SURF2: variants seen among roughly 807,000 people sequenced by gnomAD.
SURF2 encodes the protein surfeit 2.
In SURF2, 32 loss-of-function variants were observed where a neutral mutation model predicts 26.2. The observed-to-expected ratio is 1.22, with a 90% CI of 0.92 to 1.64. The LOEUF (loss-of-function observed/expected upper bound fraction) is 1.64. Among genes scored for constraint, SURF2 ranks in the 40% most tolerant of loss-of-function variants. The pLI, the probability that SURF2 is intolerant of heterozygous loss-of-function variation, is 0.00. For synonymous variants in SURF2, 173 were observed against 139.1 expected (o/e 1.24, Z -1.71); for missense variants, 415 against 341.6 (o/e 1.21, Z -1.69).
In SURF2 at chr9:133,357,077, T is replaced by TC. The variant is rs1564352389; in HGVS notation, c.233+11dup. The TC allele has an allele frequency of 6.4e-7, 1 of 1,557,182 alleles. No homozygotes were observed. Among genetic ancestry groups the TC allele is most frequent in the Admixed American group, 1.9e-5 (1 of 52,362 alleles). On this transcript the variant is annotated intron_variant, in intron 2 of 5. Coordinates refer to ENST00000371964, the MANE Select transcript of SURF2 (RefSeq NM_017503.5). Reference sequence around the variant, plus strand: ...CCCAGCACCAAGAACCCGTAGGTGGTCCGCGGCGGCGCGGGGAGGCCCAGG... The same window carrying TC: ...CCCAGCACCAAGAACCCGTAGGTGGTCCCGCGGCGGCGCGGGGAGGCCCAGG...
intron 3 of SURF2, among the ~76,000 whole-genome samples, chr9:133,359,462 C>G (rs1564353909): frequency 6.6e-6 from 1 of 152,200 alleles, no homozygotes; most frequent in African/African-American, 2.4e-5. Context: ...GAAGCCTTGT[C>G]CCAACTCCCT....
rs2130036028 is a variant in SURF2 at position 133,357,739 on chromosome 9, C to G, written c.262C>G (p.Arg88Gly). The change falls in exon 3 of 6, where the codon CGG (arginine) becomes GGG (glycine). Residue 88 changes from arginine to glycine, a missense_variant. By Grantham distance (125) the Arg-to-Gly change is moderately radical. Transcript: ENST00000371964. ...PHQLFCKLTL[R>G]HINKCPEHVL... ...CCAGTTGTTCTGCAAACTCACCCTG[C>G]GGCACATCAACAAGTGCCCAGAACA... The G allele has an allele frequency of 8.1e-6, 13 of 1,613,804 alleles. No homozygotes were observed. The East Asian group carries it at 2.5e-4, about 30-fold the overall frequency.
intron 2 of SURF2, 98 bp from the exon 3 acceptor site, chr9:133,357,613 C>G: frequency 8.5e-7 from 1 of 1,172,828 alleles, no homozygotes; most frequent in Non-Finnish European, 1.2e-6. Context: ...ATGTCCAAGC[C>G]GCATGGTAGA....
chr9:133,360,797 G>A (rs2130054418), intron 5 of SURF2, among the ~76,000 whole-genome samples: 8 of 152,362 alleles, frequency 5.3e-5, no homozygotes, highest in South Asian at 2.1e-4. Flanking sequence ...AGACTTCCCC[G>A]CCTTTGGTAG....
At chr9:133,359,076 G>T (rs1298207154) in intron 3 of SURF2, among the ~76,000 whole-genome samples, 1 of 152,190 alleles carries the variant, frequency 6.6e-6, no homozygotes, top group Non-Finnish European at 1.5e-5. Flanking sequence ...TGGGCAGGAA[G>T]GCTCTAAGTG....
intron 4 of SURF2, 65 bp from the exon 5 acceptor site, chr9:133,360,200 C>G: frequency 6.3e-7 from 1 of 1,595,262 alleles, no homozygotes; most frequent in Non-Finnish European, 8.5e-7. Flanking sequence ...GTGCTGCCTC[C>G]CCTGCAAAGG....
intron 2 of SURF2, 147 bp from the exon 3 acceptor site, chr9:133,357,564 C>T (rs1836641825): frequency 4.2e-6 from 3 of 707,792 alleles, no homozygotes; most frequent in Non-Finnish European, 7.1e-6. Context: ...CCCCACCCAG[C>T]TTCAGAGTGG....
Position 133,356,705 on chromosome 9 carries a change from A to G in SURF2, c.78+35A>G, listed in dbSNP as rs1225082833. 5 of 1,492,276 alleles carry G rather than the reference A, an allele frequency of 3.4e-6. No individual in the cohort carries two copies. In the South Asian group the frequency reaches 3.8e-5, roughly 11 times the overall value. 92.4% of individuals were successfully genotyped at this position (1,492,276 alleles called of 1,614,324 possible). ...GCGGGAGGGGAACGGAGTGGCGGAG[A>G]AGGGCGCAGTTGGGATGAGGGGCTG... On this transcript the variant is annotated intron_variant, in intron 1 of 5. Coordinates refer to ENST00000371964, the MANE Select transcript of SURF2 (RefSeq NM_017503.5).
chr9:133,356,835 G>A (rs2130030532), intron 1 of SURF2, 79 bp from the exon 2 acceptor site: 4 of 1,445,284 alleles, frequency 2.8e-6, no homozygotes, highest in Middle Eastern at 2.3e-4. Flanking sequence ...GGAGGAGAGG[G>A]AAGGGGGCGC....
At chr9:133,360,585 C>A in intron 5 of SURF2, 151 bp downstream of exon 5, 3 of 1,065,674 alleles carry the variant, frequency 2.8e-6, no homozygotes, top group Non-Finnish European at 3.9e-6. Flanking sequence ...CGCTGGCTGG[C>A]GGAAGGCCGT....
chr9:133,357,581 T>TCCGG (rs1836642011), intron 2 of SURF2, 130 bp from the exon 3 acceptor site: 1 of 798,468 alleles, frequency 1.3e-6, no homozygotes, highest in Non-Finnish European at 2.0e-6. Flanking sequence ...GTGGAATTGC[T>TCCGG]CCGGGAGCCT....
chr9:133,356,785 A>G (rs2130030378), intron 1 of SURF2, 115 bp downstream of exon 1: 6 of 1,106,040 alleles, frequency 5.4e-6, no homozygotes, highest in South Asian at 4.7e-5. Flanking sequence ...GGAGAGCAGG[A>G]GAGAGGGGAG....
Position 133,356,632 on chromosome 9 carries a change from G to A in SURF2, c.40G>A (p.Glu14Lys), listed in dbSNP as rs1395204407. Reference sequence around the variant, plus strand: ...GGGCGACGTGCGGGCGTTTCTGCGGGAGCACCCGAGCCTGCGGCTCCAGAC... The same window carrying A: ...GGGCGACGTGCGGGCGTTTCTGCGGAAGCACCCGAGCCTGCGGCTCCAGAC... The part of the protein sequence containing the change: ...LPGDVRAFLR[E>K]HPSLRLQTDA... Residue 14 changes from glutamate (E) to lysine (K), a missense_variant, in exon 1 of 6, where the codon GAG becomes AAG. Physicochemically the swap from Glu to Lys is moderately conservative, Grantham distance 56. Coordinates refer to ENST00000371964, the MANE Select transcript of SURF2 (RefSeq NM_017503.5). 2 of 1,526,362 alleles carry A rather than the reference G, an allele frequency of 1.3e-6. No individual in the cohort carries two copies. Among genetic ancestry groups the A allele is most frequent in the East Asian group, 2.5e-5 (1 of 39,562 alleles). 94.6% of individuals were successfully genotyped at this position (1,526,362 alleles called of 1,614,324 possible). A position where few individuals can be genotyped will look rare whatever the true frequency, so the allele number is the denominator to read the frequency against.
intron 5 of SURF2, 135 bp from the exon 6 acceptor site, chr9:133,360,920 CG>C: frequency 1.2e-6 from 1 of 866,766 alleles, no homozygotes; most frequent in Non-Finnish European, 1.9e-6. Context: ...GTTAAGGAAA[CG>C]GGGGTGGAGA....
intron 2 of SURF2, 138 bp from the exon 3 acceptor site, chr9:133,357,572 TG>T: frequency 1.4e-6 from 1 of 729,288 alleles, no homozygotes. Flanking sequence ...AGCTTCAGAG[TG>T]GAATTGCTCC....
Position 133,357,771 on chromosome 9 carries a change from G to A in SURF2, c.294G>A (p.Leu98=). The change falls in exon 3 of 6, where the codon CTG becomes CTA. Residue 98 remains leucine, a synonymous_variant. Coordinates refer to ENST00000371964, the MANE Select transcript of SURF2 (RefSeq NM_017503.5). ...RHINKCPEHV[L]RHTQGRRYQR... is the part of the protein sequence containing the mutation. The stretch of plus-strand genomic sequence containing the variant: ...TCAACAAGTGCCCAGAACACGTGCT[G>A]AGGCACACCCAGGGCCGGCGGTACC... 6.2e-7 allele frequency: 1 copy of A among 1,613,768 alleles called. No homozygotes were observed. Among genetic ancestry groups the A allele is most frequent in the Non-Finnish European group, 8.5e-7 (1 of 1,180,028 alleles).
At position 133,357,049 on chromosome 9, in the gene SURF2, G is replaced by A. The variant is rs782387833; in HGVS notation, c.214G>A (p.Val72Met). The part of the protein sequence containing the change: ...FDYAEFEPHI[V>M]PSTKNPHQLF... ...CTATGCAGAGTTCGAGCCGCACATC[G>A]TGCCCAGCACCAAGAACCCGTAGGT... The change falls in exon 2 of 6, where the codon GTG becomes ATG. Residue 72 changes from valine (V) to methionine (M), a missense_variant. Coordinates refer to ENST00000371964, the MANE Select transcript of SURF2 (RefSeq NM_017503.5). 1 of 1,580,668 alleles carries A rather than the reference G, an allele frequency of 6.3e-7. No homozygotes were observed. Among genetic ancestry groups the A allele is most frequent in the South Asian group, 1.2e-5 (1 of 86,324 alleles).
Position 133,361,037 on chromosome 9 carries a change from A to C in SURF2, c.688-19A>C. 1.2e-6 allele frequency: 2 copies of C among 1,613,874 alleles called. No individual in the cohort carries two copies. Among genetic ancestry groups the C allele is most frequent in the Non-Finnish European group, 1.7e-6 (2 of 1,179,802 alleles). ...GGGATCAGAAAGGCTCAGTAATCAG[A>C]ATTTTGTTTATCCCACAGAAGCAGT... On this transcript the variant is annotated intron_variant, in intron 5 of 5. Coordinates refer to ENST00000371964, the MANE Select transcript of SURF2 (RefSeq NM_017503.5).
At chr9:133,359,627 C>G (rs1836699418) in intron 3 of SURF2, among the ~76,000 whole-genome samples, 1 of 152,256 alleles carries the variant, frequency 6.6e-6, no homozygotes, top group Non-Finnish European at 1.5e-5. Context: ...GAGGCCATGC[C>G]AAGCTCACTG....
Sources: gnomAD v4.1 joint callset for allele counts (sites outside exome capture counted in the v4.1 genomes callset) on GRCh38, gnomAD v4.1.1 for gene constraint, MANE v1.5 for transcripts, NCBI Gene and HGNC (gene_info 2026-07-23, HGNC 2026-07-21) for gene names.